KCND2: variants seen among roughly 807,000 people sequenced by gnomAD.
The protein encoded by KCND2 is A-type voltage-gated potassium channel KCND2.
KCND2 carries 16 observed loss-of-function variants against 54.4 expected under a neutral mutation model. That is an observed-to-expected ratio of 0.29 (90% CI 0.20 to 0.45). The LOEUF (loss-of-function observed/expected upper bound fraction) is 0.45. Ranked by LOEUF, KCND2 falls within the 20% of genes least tolerant of loss-of-function variation. The pLI, the probability that KCND2 is intolerant of heterozygous loss-of-function variation, is 1.00. For missense variants in KCND2, 486 were observed against 824.2 expected (o/e 0.59, Z 5.02); for synonymous variants, 317 against 310.7 (o/e 1.02, Z -0.21).
intron 1 of KCND2, among the ~76,000 whole-genome samples, chr7:120,527,597 A>G (rs746950783): frequency 6.6e-6 from 1 of 152,116 alleles, no homozygotes; most frequent in African/African-American, 2.4e-5. Context: ...CTGCTCGTTC[A>G]TGATTATGGG....
intron 1 of KCND2, among the ~76,000 whole-genome samples, chr7:120,316,840 A>T (rs986482357): frequency 4.7e-5 from 7 of 148,126 alleles, no homozygotes; most frequent in Admixed American, 2.0e-4. Flanking sequence ...ATTGCAGATA[A>T]TTTTTTTTTT....
chr7:120,371,912 T>G (rs534085571), intron 1 of KCND2, among the ~76,000 whole-genome samples: 7 of 152,036 alleles, frequency 4.6e-5, no homozygotes. Flanking sequence ...AACAACACAT[T>G]TCTCAGAACG....
At chr7:120,648,354 A>G (rs1375441158) in intron 1 of KCND2, among the ~76,000 whole-genome samples, 1 of 152,208 alleles carries the variant, frequency 6.6e-6, no homozygotes, top group African/African-American at 2.4e-5. Context: ...AATGGGTGCC[A>G]TGGAAATGGA....
intron 1 of KCND2, among the ~76,000 whole-genome samples, chr7:120,373,359 A>G (rs1309484660): frequency 6.6e-6 from 1 of 151,884 alleles, no homozygotes; most frequent in Non-Finnish European, 1.5e-5. Flanking sequence ...AACTGGCACA[A>G]TACAATCCAG....
At chr7:120,416,633 A>G (rs1584769903) in intron 1 of KCND2, among the ~76,000 whole-genome samples, 1 of 152,178 alleles carries the variant, frequency 6.6e-6, no homozygotes, top group Admixed American at 6.5e-5. Flanking sequence ...ACCAGAGAAG[A>G]CAGCCACATC....
intron 2 of KCND2, among the ~76,000 whole-genome samples, chr7:120,737,035 TACAC>T (rs768582158): frequency 0.16 from 15,730 of 98,426 alleles, 1,223 homozygotes; most frequent in African/African-American, 0.24. Context: ...CTGGAAAGCT[TACAC>T]ACACACACAC....
chr7:120,506,457 T>C (rs1365264578), intron 1 of KCND2, among the ~76,000 whole-genome samples: 2 of 151,860 alleles, frequency 1.3e-5, no homozygotes. Flanking sequence ...ATTTTTACTC[T>C]ATCTCTTGCC....
intron 1 of KCND2, among the ~76,000 whole-genome samples, chr7:120,728,951 T>C (rs1201092741): frequency 2.0e-5 from 3 of 152,330 alleles, no homozygotes; most frequent in African/African-American, 7.2e-5. Flanking sequence ...GGTGGCAGTA[T>C]TTTAGAAACA....
chr7:120,484,419 G>T (rs1185092690), intron 1 of KCND2, among the ~76,000 whole-genome samples: 2 of 151,778 alleles, frequency 1.3e-5, no homozygotes, highest in African/African-American at 4.8e-5. Context: ...CTCCCAAAGT[G>T]CTGAGACTCA....
chr7:120,677,995 A>G (rs1792087983), intron 1 of KCND2, among the ~76,000 whole-genome samples: 1 of 152,040 alleles, frequency 6.6e-6, no homozygotes, highest in Non-Finnish European at 1.5e-5. Flanking sequence ...TATTGAGAAC[A>G]TAATCATTAA....
intron 1 of KCND2, among the ~76,000 whole-genome samples, chr7:120,658,272 A>C (rs1266771142): frequency 1.3e-5 from 2 of 152,208 alleles, no homozygotes; most frequent in African/African-American, 4.8e-5. Flanking sequence ...TATTTTCAAC[A>C]TCTAGAAAAA....
At chr7:120,523,719 T>A (rs1480173324) in intron 1 of KCND2, among the ~76,000 whole-genome samples, 1 of 137,518 alleles carries the variant, frequency 7.3e-6, no homozygotes, top group Non-Finnish European at 1.7e-5. Flanking sequence ...TGTGTGTGTG[T>A]GTGTGTGTGT....
chr7:120,457,126 C>A (rs1802211245), intron 1 of KCND2, among the ~76,000 whole-genome samples: 1 of 152,166 alleles, frequency 6.6e-6, no homozygotes, highest in African/African-American at 2.4e-5. Context: ...CCCAAGGCTG[C>A]ACACATTAGG....
At chr7:120,597,725 G>A (rs1267538011) in intron 1 of KCND2, among the ~76,000 whole-genome samples, 1 of 152,142 alleles carries the variant, frequency 6.6e-6, no homozygotes, top group Non-Finnish European at 1.5e-5. Flanking sequence ...CCATCCTAAA[G>A]ATCTTGGGAG....
In KCND2 at chr7:120,466,086, C is replaced by A. The variant is rs183468054; in HGVS notation, c.1115+190339C>A. Among the ~76,000 whole-genome samples, 23 of 152,284 alleles carry A rather than the reference C, an allele frequency of 1.5e-4. 1 individual carries two copies. Among genetic ancestry groups the A allele is most frequent in the Admixed American group, 1.5e-3 (23 of 15,292 alleles). On this transcript the variant is annotated intron_variant, in intron 1 of 5. Transcript: ENST00000331113. ...TTAACAGCTATCTCTGAGCCCTACC[C>A]TCTAGATGTCAGTTGCAATCCCCAA... is the stretch of plus-strand genomic sequence containing the variant.
intron 1 of KCND2, among the ~76,000 whole-genome samples, chr7:120,503,779 G>A (rs1301851175): frequency 6.6e-6 from 1 of 151,902 alleles, no homozygotes; most frequent in African/African-American, 2.4e-5. Flanking sequence ...TATGAAGCCT[G>A]TGGCTTATTC....
At chr7:120,727,559 C>T (rs1485964718) in intron 1 of KCND2, among the ~76,000 whole-genome samples, 1 of 152,134 alleles carries the variant, frequency 6.6e-6, no homozygotes, top group Non-Finnish European at 1.5e-5. Flanking sequence ...ACTTAAATCT[C>T]TTCTGAGGAA....
chr7:120,432,106 T>C (rs1209260285), intron 1 of KCND2, among the ~76,000 whole-genome samples: 3 of 152,178 alleles, frequency 2.0e-5, no homozygotes, highest in Non-Finnish European at 4.4e-5. Flanking sequence ...CCTTCAAATA[T>C]TTGAATATTG....
intron 1 of KCND2, among the ~76,000 whole-genome samples, chr7:120,662,848 C>G (rs1791883016): frequency 6.6e-6 from 1 of 152,072 alleles, no homozygotes; most frequent in Non-Finnish European, 1.5e-5. Context: ...TCAATAGATC[C>G]CAATGCTTTT....
Sources: allele counts gnomAD v4.1 joint callset (sites outside exome capture counted in the v4.1 genomes callset), GRCh38; gene constraint gnomAD v4.1.1; transcripts MANE v1.5; gene names NCBI Gene and HGNC (gene_info 2026-07-23, HGNC 2026-07-21).